The following UBE2E2 variants were observed in gnomAD, a reference collection of about 807,000 sequenced individuals.
UBE2E2 encodes the protein ubiquitin conjugating enzyme E2 E2.
A neutral mutation model predicts 24.7 loss-of-function variants in UBE2E2; 6 were observed. That is an observed-to-expected ratio of 0.24 (90% CI 0.13 to 0.48). The LOEUF is 0.48. Ranked by LOEUF, UBE2E2 falls within the 20% of genes least tolerant of loss-of-function variation. The pLI is 0.99. For synonymous variants in UBE2E2, 104 were observed against 83.6 expected (o/e 1.24, Z -1.33); for missense variants, 169 against 245.0 (o/e 0.69, Z 2.07).
At chr3:23,310,610 A>G (rs915947941) in intron 3 of UBE2E2, among the ~76,000 whole-genome samples, 1 of 152,192 alleles carries the variant, frequency 6.6e-6, no homozygotes, top group Non-Finnish European at 1.5e-5. Flanking sequence ...TGAGCCGGGC[A>G]TTATGGCTTC....
chr3:23,340,088 C>T (rs955248054), intron 3 of UBE2E2, among the ~76,000 whole-genome samples: 12 of 152,040 alleles, frequency 7.9e-5, no homozygotes, highest in South Asian at 4.1e-4. Flanking sequence ...CCAGGACCTA[C>T]GTAGTTAACC....
chr3:23,254,222 G>C (rs1386289503), intron 3 of UBE2E2, among the ~76,000 whole-genome samples: 2 of 152,188 alleles, frequency 1.3e-5, no homozygotes, highest in South Asian at 2.1e-4. Flanking sequence ...TAGTTGAAGA[G>C]ACTCATTTTT....
chr3:23,538,315 A>T (rs992992955), intron 5 of UBE2E2, among the ~76,000 whole-genome samples: 1 of 152,064 alleles, frequency 6.6e-6, no homozygotes, highest in Non-Finnish European at 1.5e-5. Flanking sequence ...TCTAAAAGTC[A>T]CTCTAATCAA....
At chr3:23,268,236 T>C (rs1187676423) in intron 3 of UBE2E2, among the ~76,000 whole-genome samples, 33 of 148,182 alleles carry the variant, frequency 2.2e-4, no homozygotes, top group Non-Finnish European at 4.1e-4. Flanking sequence ...AAATAAAGGG[T>C]ATTCAATTAG....
Position 23,591,063 on chromosome 3 carries a change from A to G in UBE2E2, c.*1232A>G, listed in dbSNP as rs574801750. ...CAACTGTATTGGTCACGGTCAGCCC[A>G]TTCAATGACAAGGGTGTCTGTCTGG... On this transcript the variant is annotated 3_prime_UTR_variant, in exon 6 of 6. Transcript: ENST00000396703. 1.3e-5 allele frequency: 2 copies of G among 152,334 alleles called. No homozygotes were observed. Among genetic ancestry groups the G allele is most frequent in the South Asian group, 4.1e-4 (2 of 4,830 alleles). The allele number at this position is 152,334 out of a possible 1,614,324, so 9.4% of individuals were successfully genotyped here.
At chr3:23,214,455 T>C (rs955718972) in intron 2 of UBE2E2, among the ~76,000 whole-genome samples, 4 of 151,928 alleles carry the variant, frequency 2.6e-5, no homozygotes, top group African/African-American at 9.7e-5. Flanking sequence ...CTCACTGTGT[T>C]GTGCAGGTTG....
intron 3 of UBE2E2, among the ~76,000 whole-genome samples, chr3:23,239,214 T>A (rs767856820): frequency 5.3e-5 from 8 of 152,190 alleles, no homozygotes; most frequent in African/African-American, 1.9e-4. Flanking sequence ...TACTAAGTTA[T>A]CGAGGTAATA....
intron 3 of UBE2E2, among the ~76,000 whole-genome samples, chr3:23,332,716 T>TGTGC (rs1553603062): frequency 2.1e-5 from 3 of 146,212 alleles, no homozygotes; most frequent in Non-Finnish European, 3.0e-5. Context: ...TGTGTGTGTG[T>TGTGC]GTGCAGCTAT....
chr3:23,244,526 G>T (rs1282014071), intron 3 of UBE2E2, among the ~76,000 whole-genome samples: 1 of 152,078 alleles, frequency 6.6e-6, no homozygotes, highest in Non-Finnish European at 1.5e-5. Flanking sequence ...AACTATACAA[G>T]GTTTGTTTAT....
At chr3:23,483,151 T>C (rs1328501337) in intron 3 of UBE2E2, among the ~76,000 whole-genome samples, 1 of 152,226 alleles carries the variant, frequency 6.6e-6, no homozygotes, top group African/African-American at 2.4e-5. Context: ...CAGTCCACAC[T>C]AAGCCTTGCT....
intron 3 of UBE2E2, among the ~76,000 whole-genome samples, chr3:23,362,130 G>C (rs957670389): frequency 6.6e-6 from 1 of 152,174 alleles, no homozygotes. Flanking sequence ...AAAAGGGCTA[G>C]TTAACCCTGA....
At chr3:23,495,811 G>A (rs950904363) in intron 3 of UBE2E2, among the ~76,000 whole-genome samples, 18 of 152,196 alleles carry the variant, frequency 1.2e-4, no homozygotes, top group African/African-American at 3.9e-4. Context: ...AGGTAATGGG[G>A]TGATGGGGGA....
At chr3:23,402,507 T>A (rs1045492438) in intron 3 of UBE2E2, among the ~76,000 whole-genome samples, 2 of 152,334 alleles carry the variant, frequency 1.3e-5, no homozygotes, top group Middle Eastern at 3.4e-3. Context: ...AGAAATTGTT[T>A]TAAGAACTTT....
At chr3:23,332,355 G>T (rs1695079940) in intron 3 of UBE2E2, among the ~76,000 whole-genome samples, 1 of 152,052 alleles carries the variant, frequency 6.6e-6, no homozygotes, top group Admixed American at 6.5e-5. Flanking sequence ...TGTTGCCCAG[G>T]ATGGTCTTGA....
chr3:23,209,700 G>A (rs1342323413), intron 2 of UBE2E2, among the ~76,000 whole-genome samples: 1 of 152,046 alleles, frequency 6.6e-6, no homozygotes, highest in Admixed American at 6.6e-5. Context: ...TTATGGTGTG[G>A]GTTAAGGGGA....
chr3:23,289,871 T>C (rs1698715035), intron 3 of UBE2E2, among the ~76,000 whole-genome samples: 1 of 152,220 alleles, frequency 6.6e-6, no homozygotes, highest in Admixed American at 6.5e-5. Flanking sequence ...AGGAACAGAA[T>C]GGTTCTGTAA....
chr3:23,570,541 T>A (rs1041198800), intron 5 of UBE2E2, among the ~76,000 whole-genome samples: 14 of 152,214 alleles, frequency 9.2e-5, no homozygotes, highest in Non-Finnish European at 1.9e-4. Context: ...CAGTAAACAA[T>A]GTATAATAAA....
chr3:23,574,921 A>G (rs1696312510), intron 5 of UBE2E2, among the ~76,000 whole-genome samples: 1 of 152,180 alleles, frequency 6.6e-6, no homozygotes, highest in Non-Finnish European at 1.5e-5. Context: ...TAATCTGGAT[A>G]TTGAAAATGC....
intron 3 of UBE2E2, among the ~76,000 whole-genome samples, chr3:23,408,439 G>A (rs1014029419): frequency 1.3e-5 from 2 of 152,142 alleles, no homozygotes; most frequent in Admixed American, 6.6e-5. Flanking sequence ...AATACATCCT[G>A]CAACTTTGGT....
Sources: allele counts gnomAD v4.1 joint callset (sites outside exome capture counted in the v4.1 genomes callset), GRCh38; gene constraint gnomAD v4.1.1; transcripts MANE v1.5; gene names NCBI Gene and HGNC (gene_info 2026-07-23, HGNC 2026-07-21).